Variants in RSRC1 observed in about 807,000 individuals in gnomAD.
RSRC1 encodes serine/Arginine-related protein 53.
In RSRC1, 39 loss-of-function variants were observed where a neutral mutation model predicts 49.1. That is an observed-to-expected ratio of 0.79 (90% CI 0.61 to 1.04). The LOEUF is 1.04. Among genes scored for constraint, RSRC1 ranks in the 50% least tolerant of loss-of-function variants. RSRC1 has a pLI of 0.00. For missense variants in RSRC1, 388 were observed against 402.4 expected, an observed-to-expected ratio of 0.96 and a Z score of 0.31; for synonymous variants, 143 against 130.8, an observed-to-expected ratio of 1.09 and a Z score of -0.63.
At chr3:158,252,175 T>C (rs79597200) in intron 4 of RSRC1, among the ~76,000 whole-genome samples, 5 of 150,502 alleles carry the variant, frequency 3.3e-5, no homozygotes, top group Non-Finnish European at 7.4e-5. Context: ...TTTTTTTTTT[T>C]CTTAGAGAAG....
At chr3:158,321,354 C>T (rs189160345) in intron 5 of RSRC1, among the ~76,000 whole-genome samples, 7 of 151,300 alleles carry the variant, frequency 4.6e-5, no homozygotes, top group Middle Eastern at 3.4e-3. Context: ...TCTCTCTTAT[C>T]TTTTTTCTCT....
intron 7 of RSRC1, among the ~76,000 whole-genome samples, chr3:158,523,300 A>C (rs1475579177): frequency 6.6e-6 from 1 of 152,070 alleles, no homozygotes; most frequent in African/African-American, 2.4e-5. Context: ...ACTCAGAATC[A>C]GTTTTACATG....
In RSRC1 at chr3:158,423,735, A is replaced by C. The variant is rs185970476; in HGVS notation, c.584-37200A>C. Among the ~76,000 whole-genome samples, 27 of 152,110 alleles carry C rather than the reference A, an allele frequency of 1.8e-4. No individual in the cohort carries two copies. In the East Asian group the frequency reaches 2.9e-3, roughly 16 times the overall value. ...CATGGAATGTTCTTTCATTTGTTGT[A>C]TCCTCTTTTATTTCGTTGAGCAGTG... On this transcript the variant is annotated intron_variant, in intron 6 of 9. Coordinates refer to ENST00000611884, the MANE Select transcript of RSRC1 (RefSeq NM_001271838.2).
intron 6 of RSRC1, among the ~76,000 whole-genome samples, chr3:158,385,078 T>G (rs907886350): frequency 6.6e-6 from 1 of 152,114 alleles, no homozygotes; most frequent in African/African-American, 2.4e-5. Context: ...TGCTTTTTCT[T>G]TAGGTACTTT....
chr3:158,189,342 C>T (rs1459194226), intron 3 of RSRC1, among the ~76,000 whole-genome samples: 1 of 151,908 alleles, frequency 6.6e-6, no homozygotes, highest in East Asian at 1.9e-4. Context: ...TTCAAATCTT[C>T]TGTGTCTTTA....
intron 6 of RSRC1, among the ~76,000 whole-genome samples, chr3:158,368,908 C>T (rs28506940): frequency 0.017 from 2,585 of 150,616 alleles, 66 homozygotes; most frequent in African/African-American, 0.06. Flanking sequence ...ATAAATTTAC[C>T]GAAAAGTGAT....
intron 4 of RSRC1, among the ~76,000 whole-genome samples, chr3:158,265,829 CATAGGATTAGTTTCTAT>C (rs992621364): frequency 4.6e-5 from 7 of 152,074 alleles, no homozygotes; most frequent in Non-Finnish European, 1.0e-4. Context: ...CTAGTAGTTT[CATAGGATTAGTTTCTAT>C]ATTTATGTCT....
chr3:158,328,579 G>T (rs1036018451), intron 5 of RSRC1, among the ~76,000 whole-genome samples: 1 of 152,202 alleles, frequency 6.6e-6, no homozygotes, highest in Admixed American at 6.5e-5. Flanking sequence ...CTTCTGGCTT[G>T]TAGAGTTTCT....
intron 4 of RSRC1, among the ~76,000 whole-genome samples, chr3:158,272,288 G>A (rs1325946018): frequency 6.6e-6 from 1 of 152,104 alleles, no homozygotes; most frequent in Non-Finnish European, 1.5e-5. Context: ...TACCATTGAA[G>A]GCAGGATTGA....
At chr3:158,318,063 T>C (rs956284085) in intron 5 of RSRC1, among the ~76,000 whole-genome samples, 11 of 152,076 alleles carry the variant, frequency 7.2e-5, no homozygotes, top group African/African-American at 2.7e-4. Context: ...TTTTGGCGAT[T>C]TTTAAAATAG....
chr3:158,167,380 A>C (rs546078306), intron 3 of RSRC1, among the ~76,000 whole-genome samples: 1 of 152,194 alleles, frequency 6.6e-6, no homozygotes, highest in African/African-American at 2.4e-5. Flanking sequence ...TTGTAGAAAC[A>C]GAGTTTCACC....
At chr3:158,252,480 G>C (rs560860544) in intron 4 of RSRC1, among the ~76,000 whole-genome samples, 2 of 152,154 alleles carry the variant, frequency 1.3e-5, no homozygotes, top group African/African-American at 4.8e-5. Context: ...ATGTGTTCTT[G>C]AATTCAGTTT....
intron 6 of RSRC1, among the ~76,000 whole-genome samples, chr3:158,403,055 G>T (rs1318135495): frequency 6.6e-6 from 1 of 151,810 alleles, no homozygotes; most frequent in Non-Finnish European, 1.5e-5. Flanking sequence ...AAAACCCTCA[G>T]TTACTAAGCA....
chr3:158,379,912 T>A (rs988940767), intron 6 of RSRC1, among the ~76,000 whole-genome samples: 6 of 152,064 alleles, frequency 3.9e-5, no homozygotes, highest in Admixed American at 3.9e-4. Context: ...GTTAATTTTT[T>A]TTTTCAATAT....
chr3:158,494,017 G>A (rs369020701), intron 7 of RSRC1, among the ~76,000 whole-genome samples: 2 of 152,124 alleles, frequency 1.3e-5, no homozygotes, highest in South Asian at 2.1e-4. Flanking sequence ...AAGTGGAGGA[G>A]GGGGTAGTTT....
intron 3 of RSRC1, among the ~76,000 whole-genome samples, chr3:158,137,901 G>A (rs552766914): frequency 3.9e-5 from 6 of 152,190 alleles, no homozygotes; most frequent in Admixed American, 1.3e-4. Context: ...ATCTGACCTC[G>A]TGATCTGCCC....
chr3:158,185,754 C>T (rs1719892486), intron 3 of RSRC1, among the ~76,000 whole-genome samples: 1 of 151,722 alleles, frequency 6.6e-6, no homozygotes, highest in Admixed American at 6.6e-5. Flanking sequence ...ATTTAAATGC[C>T]TTTATTTAAA....
At chr3:158,458,683 G>A (rs776237084) in intron 6 of RSRC1, among the ~76,000 whole-genome samples, 17 of 152,088 alleles carry the variant, frequency 1.1e-4, no homozygotes, top group Non-Finnish European at 1.8e-4. Flanking sequence ...TCTGGTATCC[G>A]AACAGGATCA....
chr3:158,328,588 C>T (rs1046164654), intron 5 of RSRC1, among the ~76,000 whole-genome samples: 2 of 152,218 alleles, frequency 1.3e-5, no homozygotes, highest in Non-Finnish European at 2.9e-5. Flanking sequence ...TGTAGAGTTT[C>T]TGCCGAGAGA....
Sources: allele counts gnomAD v4.1 joint callset (sites outside exome capture counted in the v4.1 genomes callset), GRCh38; gene constraint gnomAD v4.1.1; transcripts MANE v1.5; gene names NCBI Gene and HGNC (gene_info 2026-07-23, HGNC 2026-07-21).